The following COL4A2 variants were observed in gnomAD, a reference collection of about 807,000 sequenced individuals.
COL4A2 encodes collagen type IV alpha 2 chain.
A neutral mutation model predicts 200.2 loss-of-function variants in COL4A2; 99 were observed. The ratio of observed to expected loss-of-function variants is 0.49; its 90% CI spans 0.42 to 0.58. The LOEUF is 0.58. Among genes scored for constraint, COL4A2 ranks in the 20% least tolerant of loss-of-function variants. The probability of loss-of-function intolerance (pLI) is 0.00; values close to 1 mark genes in which losing one functional copy is unlikely to be tolerated. For synonymous variants in COL4A2, 897 were observed against 900.6 expected, an observed-to-expected ratio of 1.00 and a Z score of 0.07; for missense variants, 1,950 against 2,314.1, an observed-to-expected ratio of 0.84 and a Z score of 3.23.
chr13:110,363,777 A>C (rs913746), intron 4 of COL4A2, among the ~76,000 whole-genome samples: 60,751 of 152,128 alleles, frequency 0.4, 12,269 homozygotes, highest in Middle Eastern at 0.56. Flanking sequence ...TTTTAAAATA[A>C]AACTAAATCT....
At chr13:110,387,188 G>A (rs953891277) in intron 4 of COL4A2, among the ~76,000 whole-genome samples, 15 of 151,988 alleles carry the variant, frequency 9.9e-5, no homozygotes, top group Non-Finnish European at 2.1e-4. Flanking sequence ...GCAGTGAGCC[G>A]AAATCGCACC....
chr13:110,309,476 G>C (rs917651780), intron 3 of COL4A2, among the ~76,000 whole-genome samples: 5 of 152,192 alleles, frequency 3.3e-5, no homozygotes, highest in African/African-American at 4.8e-5. Flanking sequence ...ATGCATGCAC[G>C]CGCACGCACG....
At chr13:110,332,660 A>G (rs1023297849) in intron 3 of COL4A2, among the ~76,000 whole-genome samples, 2 of 152,226 alleles carry the variant, frequency 1.3e-5, no homozygotes, top group African/African-American at 4.8e-5. Context: ...GAATTCATCC[A>G]GATTTCTACT....
At chr13:110,483,370 G>A (rs1212212279) in intron 32 of COL4A2, among the ~76,000 whole-genome samples, 2 of 152,214 alleles carry the variant, frequency 1.3e-5, no homozygotes, top group African/African-American at 4.8e-5. Flanking sequence ...AAGAAACTAA[G>A]CATAGAGTTA....
intron 4 of COL4A2, among the ~76,000 whole-genome samples, chr13:110,369,036 G>C (rs958322721): frequency 6.6e-6 from 1 of 152,098 alleles, no homozygotes; most frequent in African/African-American, 2.4e-5. Context: ...GTGAAACCAG[G>C]TCTCTACTAA....
At chr13:110,505,917 T>G (rs918976935) in intron 45 of COL4A2, among the ~76,000 whole-genome samples, 10 of 152,304 alleles carry the variant, frequency 6.6e-5, no homozygotes, top group African/African-American at 2.2e-4. Flanking sequence ...GAGTCTTTTA[T>G]GGAAAGGACC....
Position 110,503,956 on chromosome 13 carries a change from G to T in COL4A2, c.4248G>T (p.Pro1416=). The T allele has an allele frequency of 6.4e-7, 1 of 1,565,024 alleles. No individual in the cohort carries two copies. Among genetic ancestry groups the T allele is most frequent in the Non-Finnish European group, 8.7e-7 (1 of 1,154,454 alleles). ...PQGRRGPPGA[P]GEMGPQGPPG... Reference sequence around the variant, plus strand: ...GGAGGCGAGGCCCCCCTGGGGCACCGGGGGAGATGGGGCCCCAGGGCCCCC... The same window carrying T: ...GGAGGCGAGGCCCCCCTGGGGCACCTGGGGAGATGGGGCCCCAGGGCCCCC... The change falls in exon 44 of 48, where the codon CCG becomes CCT. Residue 1416 remains proline, a synonymous_variant. Coordinates refer to ENST00000360467, the MANE Select transcript of COL4A2 (RefSeq NM_001846.4).
intron 7 of COL4A2, chr13:110,428,911 A>G (rs1309563764): frequency 4.2e-6 from 1 of 236,020 alleles, no homozygotes; most frequent in African/African-American, 2.3e-5. Flanking sequence ...GTCCATCACC[A>G]TCTTTATCAG....
chr13:110,318,137 CG>C (rs1320391492), intron 3 of COL4A2, among the ~76,000 whole-genome samples: 2 of 152,144 alleles, frequency 1.3e-5, no homozygotes, highest in African/African-American at 4.8e-5. Context: ...CATCTGTAAA[CG>C]GGAATACTGA....
rs72657934 is a variant in COL4A2 at position 110,450,518 on chromosome 13, G to A, written c.1339+64G>A. On this transcript the variant is annotated intron_variant, in intron 20 of 47. Transcript: ENST00000360467. ...GTTCAGATGAAGCCCGGTCCCAGCC[G>A]GATGTTATTTGGGATTCTCTGCTAA... 0.16 allele frequency: 248,263 copies of A among 1,574,660 alleles called. 21,288 individuals carry two copies. Among genetic ancestry groups the A allele is most frequent in the Middle Eastern group, 0.3 (1,763 of 5,930 alleles).
At chr13:110,456,903 C>T (rs765165870) in intron 20 of COL4A2, 12 of 478,326 alleles carry the variant, frequency 2.5e-5, no homozygotes, top group South Asian at 1.4e-4. Flanking sequence ...TGATGCCGTG[C>T]GTCTGCGTGG....
At chr13:110,451,822 G>A (rs1170299156) in intron 20 of COL4A2, among the ~76,000 whole-genome samples, 1 of 152,182 alleles carries the variant, frequency 6.6e-6, no homozygotes, top group Non-Finnish European at 1.5e-5. Context: ...TTCCAATGTG[G>A]CCCAGAGAAG....
chr13:110,395,299 T>A (rs535651328), intron 4 of COL4A2, among the ~76,000 whole-genome samples: 1 of 152,328 alleles, frequency 6.6e-6, no homozygotes, highest in Admixed American at 6.5e-5. Flanking sequence ...TACGGAGCAC[T>A]GCCTGGGAAG....
At chr13:110,509,508 T>C (rs936505823) in intron 47 of COL4A2, among the ~76,000 whole-genome samples, 3 of 152,138 alleles carry the variant, frequency 2.0e-5, no homozygotes, top group Non-Finnish European at 4.4e-5. Context: ...AAGGTGACTT[T>C]GGAGCAACCT....
At chr13:110,375,117 G>T (rs1331364794) in intron 4 of COL4A2, among the ~76,000 whole-genome samples, 3 of 152,212 alleles carry the variant, frequency 2.0e-5, no homozygotes, top group Non-Finnish European at 2.9e-5. Flanking sequence ...TGGACTCTGA[G>T]ATGCGATACT....
chr13:110,319,412 AG>A (rs1483613733), intron 3 of COL4A2, among the ~76,000 whole-genome samples: 1 of 152,238 alleles, frequency 6.6e-6, no homozygotes, highest in East Asian at 1.9e-4. Context: ...AATTTAGCAA[AG>A]CAAGAAAACT....
At chr13:110,394,581 C>A (rs763899825) in intron 4 of COL4A2, among the ~76,000 whole-genome samples, 2 of 152,216 alleles carry the variant, frequency 1.3e-5, no homozygotes, top group Non-Finnish European at 2.9e-5. Flanking sequence ...CGTGCAATTA[C>A]ACAAGGATGG....
At chr13:110,344,498 T>G (rs1184295481) in intron 3 of COL4A2, among the ~76,000 whole-genome samples, 2 of 152,228 alleles carry the variant, frequency 1.3e-5, no homozygotes, top group African/African-American at 4.8e-5. Flanking sequence ...AAGAGAATGA[T>G]GTCAGTATGA....
chr13:110,475,344 G>T (rs969886687), intron 29 of COL4A2, among the ~76,000 whole-genome samples: 1 of 152,188 alleles, frequency 6.6e-6, no homozygotes, highest in Non-Finnish European at 1.5e-5. Flanking sequence ...TTCACAGAAG[G>T]CAAAGTGAAG....
Sources: allele counts gnomAD v4.1 joint callset (sites outside exome capture counted in the v4.1 genomes callset), GRCh38; gene constraint gnomAD v4.1.1; transcripts MANE v1.5; gene names NCBI Gene and HGNC (gene_info 2026-07-23, HGNC 2026-07-21).